The following OR2L5 variants were observed in gnomAD, a reference collection of about 807,000 sequenced individuals.
OR2L5 encodes the protein olfactory receptor family 2 subfamily L member 5.
For synonymous variants in OR2L5, 169 were observed against 142.0 expected, an observed-to-expected ratio of 1.19 and a Z score of -1.35; for missense variants, 413 against 381.6, an observed-to-expected ratio of 1.08 and a Z score of -0.69.
intron 1 of OR2L5, among the ~76,000 whole-genome samples, chr1:248,020,305 A>T (rs1241073976): frequency 6.6e-6 from 1 of 152,150 alleles, no homozygotes; most frequent in Non-Finnish European, 1.5e-5. Context: ...TGCTGATGCT[A>T]TGATTGTTTA....
intron 1 of OR2L5, among the ~76,000 whole-genome samples, chr1:248,014,237 C>G (rs1662139251): frequency 1.3e-5 from 2 of 151,928 alleles, no homozygotes; most frequent in Non-Finnish European, 2.9e-5. Flanking sequence ...TATGTAGAAA[C>G]AACTAGTGTT....
At chr1:248,014,481 T>A (rs1662143993) in intron 1 of OR2L5, among the ~76,000 whole-genome samples, 1 of 152,182 alleles carries the variant, frequency 6.6e-6, no homozygotes, top group Non-Finnish European at 1.5e-5. Context: ...ATATTTATTT[T>A]TTTCTTTTGG....
intron 1 of OR2L5, among the ~76,000 whole-genome samples, chr1:248,016,657 C>A (rs992746747): frequency 2.0e-5 from 3 of 151,668 alleles, no homozygotes; most frequent in African/African-American, 7.3e-5. Flanking sequence ...AGATGTACTG[C>A]CTAAAAATAT....
rs1480477137 is a variant in OR2L5 at position 248,021,997 on chromosome 1, T to C, written c.50T>C (p.Phe17Ser). The change falls in exon 2 of 2, where the codon TTC becomes TCC. Residue 17 changes from phenylalanine to serine, a missense_variant. Coordinates refer to ENST00000355281, the MANE Select transcript of OR2L5 (RefSeq NM_001258284.2). ...ACTGATTTCATCTTATTGGGGCTGT[T>C]CCCACCATCAAAAATTGGCCTTTTC... The part of the protein sequence containing the change: ...TSTDFILLGL[F>S]PPSKIGLFLF... The C allele has an allele frequency of 6.8e-6, 11 of 1,613,922 alleles. No homozygotes were observed. The highest frequency in any genetic ancestry group is 1.3e-5 in the African/African-American group (1 of 75,038).
rs1352468932 is a variant in OR2L5, at chr1:248,022,847, G to T, written c.900G>T (p.Leu300=). The T allele has an allele frequency of 6.2e-7, 1 of 1,611,994 alleles. No homozygotes were observed. Among genetic ancestry groups the T allele is most frequent in the African/African-American group, 1.3e-5 (1 of 74,724 alleles). The change falls in exon 2 of 2, where the codon CTG becomes CTT. Residue 300 remains leucine (L), a synonymous_variant. Transcript: ENST00000355281. ...SLRNKEVMGA[L]TRVIQNIFSV... ...GAAACAAGGAGGTGATGGGGGCCCTGACACGAGTGATTCAGAATATCTTCT... is the reference window on the plus strand; with the variant it reads ...GAAACAAGGAGGTGATGGGGGCCCTTACACGAGTGATTCAGAATATCTTCT...
intron 1 of OR2L5, among the ~76,000 whole-genome samples, chr1:248,017,629 G>A (rs1344512820): frequency 3.3e-5 from 5 of 152,130 alleles, no homozygotes; most frequent in Non-Finnish European, 7.3e-5. Context: ...ATGGGGTCTT[G>A]GCGTGAATGA....
rs773054679 is a variant in OR2L5 at position 248,022,858 on chromosome 1, T to C, written c.911T>C (p.Ile304Thr). 1.2e-6 allele frequency: 2 copies of C among 1,610,768 alleles called. No homozygotes were observed. Among genetic ancestry groups the C allele is most frequent in the East Asian group, 2.2e-5 (1 of 44,856 alleles). The change falls in exon 2 of 2, where the codon ATT becomes ACT. Residue 304 changes from isoleucine to threonine, a missense_variant. Physicochemically the swap from Ile to Thr is moderately conservative, Grantham distance 89. Coordinates refer to ENST00000355281, the MANE Select transcript of OR2L5 (RefSeq NM_001258284.2). The stretch of plus-strand genomic sequence containing the variant: ...GTGATGGGGGCCCTGACACGAGTGA[T>C]TCAGAATATCTTCTCGGTGAAAATG... The part of the protein sequence containing the change: ...KEVMGALTRV[I>T]QNIFSVKM
At chr1:248,020,950 A>C (rs1662320100) in intron 1 of OR2L5, among the ~76,000 whole-genome samples, 2 of 151,900 alleles carry the variant, frequency 1.3e-5, no homozygotes, top group African/African-American at 4.8e-5. Context: ...AAGACAATTC[A>C]AGAAGGAAAT....
At chr1:248,020,122 C>T (rs1221829676) in intron 1 of OR2L5, among the ~76,000 whole-genome samples, 2 of 152,068 alleles carry the variant, frequency 1.3e-5, no homozygotes, top group African/African-American at 4.8e-5. Flanking sequence ...GGCTTTATAC[C>T]AATGCCATAC....
Position 248,022,216 on chromosome 1 carries a change from C to G in OR2L5, c.269C>G (p.Ser90Cys). 1 of 1,614,122 alleles carries G rather than the reference C, an allele frequency of 6.2e-7. No individual in the cohort carries two copies. Among genetic ancestry groups the G allele is most frequent in the Non-Finnish European group, 8.5e-7 (1 of 1,179,994 alleles). Residue 90 changes from serine (S) to cysteine (C), a missense_variant, in exon 2 of 2, where the codon TCT (serine) becomes TGT (cysteine). Coordinates refer to ENST00000355281, the MANE Select transcript of OR2L5 (RefSeq NM_001258284.2). ...TCTGATTTTCTGTATGGAAACAAGT[C>G]TATCTCCTTCATTGGGTGTGGGATT... ...MASDFLYGNK[S>C]ISFIGCGIQS...
chr1:248,023,972 A>T lies in OR2L5; in HGVS notation c.*1086A>T, dbSNP rs1021116816. On this transcript the variant is annotated 3_prime_UTR_variant, in exon 2 of 2. Coordinates refer to ENST00000355281, the MANE Select transcript of OR2L5 (RefSeq NM_001258284.2). ...GGAAATATAATTAAAGTGCATAAAA[A>T]CTATTTATCTGAAGAATAACATCAT... 1 of 152,186 alleles carries T rather than the reference A, an allele frequency of 6.6e-6. No individual in the cohort carries two copies. The highest frequency in any genetic ancestry group is 6.5e-5 in the Admixed American group (1 of 15,278). 9.4% of individuals were successfully genotyped at this position (152,186 alleles called of 1,614,324 possible). A position where few individuals can be genotyped will look rare whatever the true frequency, so the allele number is the denominator to read the frequency against.
intron 1 of OR2L5, 149 bp from the exon 2 acceptor site, chr1:248,021,778 T>G (rs1328954463): frequency 1.8e-5 from 9 of 498,168 alleles, no homozygotes; most frequent in Non-Finnish European, 2.1e-5. Context: ...AAATTAAAAT[T>G]TATAATACAT....
At chr1:248,015,675 T>C (rs1421467785) in intron 1 of OR2L5, among the ~76,000 whole-genome samples, 1 of 152,172 alleles carries the variant, frequency 6.6e-6, no homozygotes, top group African/African-American at 2.4e-5. Flanking sequence ...CAAAATCTGG[T>C]AAAGTGTGGC....
Position 248,022,205 on chromosome 1 carries a change from T to C in OR2L5, c.258T>C (p.Tyr86=), listed in dbSNP as rs746380786. 3.0e-5 allele frequency: 49 copies of C among 1,614,164 alleles called. No homozygotes were observed. Among genetic ancestry groups the C allele is most frequent in the Non-Finnish European group, 4.2e-5 (49 of 1,180,004 alleles). ...CTAAGATGGCTTCTGATTTTCTGTA[T>C]GGAAACAAGTCTATCTCCTTCATTG... is the stretch of plus-strand genomic sequence containing the variant. ...IVPKMASDFL[Y]GNKSISFIGC... is the part of the protein sequence containing the mutation. The change falls in exon 2 of 2, where the codon TAT becomes TAC. Residue 86 remains tyrosine, a synonymous_variant. Transcript: ENST00000355281.
chr1:248,020,908 T>C (rs779053270), intron 1 of OR2L5, among the ~76,000 whole-genome samples: 2 of 151,320 alleles, frequency 1.3e-5, no homozygotes, highest in Non-Finnish European at 3.0e-5. Context: ...ACATGGCACA[T>C]GTATACATAT....
intron 1 of OR2L5, among the ~76,000 whole-genome samples, chr1:248,020,417 T>C (rs1455210287): frequency 6.6e-6 from 1 of 152,160 alleles, no homozygotes; most frequent in African/African-American, 2.4e-5. Context: ...TCAGCAGTTC[T>C]ATTCACCAAC....
At chr1:248,017,162 G>C (rs1662219225) in intron 1 of OR2L5, among the ~76,000 whole-genome samples, 1 of 152,018 alleles carries the variant, frequency 6.6e-6, no homozygotes, top group Admixed American at 6.6e-5. Context: ...TTTTAGAAGA[G>C]TTATAAAAAT....
chr1:248,019,459 G>A (rs2103076134), intron 1 of OR2L5, among the ~76,000 whole-genome samples: 1 of 152,288 alleles, frequency 6.6e-6, no homozygotes, highest in South Asian at 2.1e-4. Flanking sequence ...CACAGAGGCT[G>A]TAGAACTTCA....
intron 1 of OR2L5, among the ~76,000 whole-genome samples, chr1:248,020,072 C>T (rs1036517743): frequency 3.9e-5 from 6 of 152,138 alleles, no homozygotes; most frequent in Admixed American, 2.0e-4. Context: ...TGTGAACAAA[C>T]GCACCTGACC....
Sources: allele counts gnomAD v4.1 joint callset (sites outside exome capture counted in the v4.1 genomes callset), GRCh38; gene constraint gnomAD v4.1.1; transcripts MANE v1.5; gene names NCBI Gene and HGNC (gene_info 2026-07-23, HGNC 2026-07-21).